Variants in TASP1 observed in about 807,000 individuals in gnomAD.
TASP1 encodes the protein taspase 1, also known as threonine aspartase 1.
In TASP1, 16 loss-of-function variants were observed where a neutral mutation model predicts 56.6. The observed-to-expected ratio is 0.28, with a 90% confidence interval of 0.19 to 0.43. The LOEUF is 0.43. Among genes scored for constraint, TASP1 ranks in the 20% least tolerant of loss-of-function variants. The pLI, the probability that TASP1 is intolerant of heterozygous loss-of-function variation, is 1.00. For synonymous variants in TASP1, 179 were observed against 184.2 expected, an observed-to-expected ratio of 0.97 and a Z score of 0.23; for missense variants, 393 against 511.6, an observed-to-expected ratio of 0.77 and a Z score of 2.24.
At chr20:13,567,480 T>C (rs1438166979) in intron 7 of TASP1, among the ~76,000 whole-genome samples, 1 of 151,884 alleles carries the variant, frequency 6.6e-6, no homozygotes, top group African/African-American at 2.4e-5. Flanking sequence ...GAAGAAATTA[T>C]CCCAAAATTT....
chr20:13,172,293 T>A, the TASP1 span, among the ~76,000 whole-genome samples: 1 of 152,122 alleles, frequency 6.6e-6, no homozygotes, highest in Non-Finnish European at 1.5e-5. Flanking sequence ...TGTTTTCAGC[T>A]AGAAAAAAAA....
intron 11 of TASP1, among the ~76,000 whole-genome samples, chr20:13,438,576 A>G (rs2043099182): frequency 6.6e-6 from 1 of 152,234 alleles, no homozygotes; most frequent in Non-Finnish European, 1.5e-5. Flanking sequence ...AGGCAATACC[A>G]TTCAGGACAT....
intron 7 of TASP1, among the ~76,000 whole-genome samples, chr20:13,560,603 G>C (rs1003425775): frequency 6.6e-6 from 1 of 152,124 alleles, no homozygotes; most frequent in Admixed American, 6.5e-5. Flanking sequence ...CAGAGCATGA[G>C]ACCGACAGAA....
chr20:13,430,663 G>A lies in TASP1; in HGVS notation c.1096+4381C>T, dbSNP rs528318756. Reference sequence around the variant, plus strand: ...TGCCATAAATTTATTGGTTGGAAGCGAGTCTCTAGTGTTTGGCTCACAGTC... The same window carrying A: ...TGCCATAAATTTATTGGTTGGAAGCAAGTCTCTAGTGTTTGGCTCACAGTC... On this transcript the variant is annotated intron_variant, in intron 12 of 13. Transcript: ENST00000337743. Among the ~76,000 whole-genome samples the A allele has an allele frequency of 1.1e-4, 16 of 152,280 alleles. 1 individual carries two copies. Among genetic ancestry groups the A allele is most frequent in the African/African-American group, 3.9e-4 (16 of 41,550 alleles).
chr20:13,137,472 T>C, the TASP1 span, among the ~76,000 whole-genome samples: 3 of 152,062 alleles, frequency 2.0e-5, no homozygotes, highest in Admixed American at 2.0e-4. Context: ...ATTATGGTGT[T>C]ATAATATATA....
chr20:13,144,010 T>C, the TASP1 span, among the ~76,000 whole-genome samples: 17 of 152,182 alleles, frequency 1.1e-4, no homozygotes, highest in Admixed American at 2.0e-4. Context: ...GAGCATGTCA[T>C]GTTTACTTAC....
At chr20:13,386,421 A>T (rs536085299), downstream of TASP1, among the ~76,000 whole-genome samples, 2 of 152,036 alleles carry the variant, frequency 1.3e-5, no homozygotes, top group East Asian at 3.9e-4. Context: ...ACATTTTTAA[A>T]ATTTTCCTTA....
the TASP1 span, among the ~76,000 whole-genome samples, chr20:13,227,803 C>G: frequency 6.6e-6 from 1 of 151,554 alleles, no homozygotes; most frequent in East Asian, 1.9e-4. Flanking sequence ...CCACCGCGCC[C>G]GGCCCCAACT....
the TASP1 span, among the ~76,000 whole-genome samples, chr20:13,107,028 A>G: frequency 6.6e-6 from 1 of 152,212 alleles, no homozygotes; most frequent in Non-Finnish European, 1.5e-5. Flanking sequence ...AGCAAGTTCC[A>G]TCTTGGAAAT....
rs2046309979 is a variant in TASP1 at position 13,560,486 on chromosome 20, A to G, written c.569-1372T>C. Among the ~76,000 whole-genome samples the G allele has an allele frequency of 2.6e-5, 4 of 152,290 alleles. No individual in the cohort carries two copies. The South Asian group carries it at 8.3e-4, about 32-fold the overall frequency. On this transcript the variant is annotated intron_variant, in intron 7 of 13. Transcript: ENST00000337743. ...GAGACATTCCCCACAATAAACTGGG[A>G]ATTTAAAGGGCTAATTCTCTTAGAG...
the TASP1 span, among the ~76,000 whole-genome samples, chr20:13,304,352 C>T: frequency 7.9e-5 from 12 of 152,190 alleles, no homozygotes; most frequent in East Asian, 2.3e-3. Context: ...TCAAAGTGGG[C>T]GGTCATGGGG....
the TASP1 span, among the ~76,000 whole-genome samples, chr20:13,374,224 A>G: frequency 2.0e-5 from 3 of 152,158 alleles, no homozygotes; most frequent in South Asian, 6.2e-4. Context: ...ATAAAATCTG[A>G]CATTTGGTCC....
the TASP1 span, among the ~76,000 whole-genome samples, chr20:13,134,989 C>T: frequency 1.3e-5 from 2 of 152,132 alleles, no homozygotes; most frequent in Non-Finnish European, 2.9e-5. Flanking sequence ...AATGCATGTG[C>T]CTCACAACAG....
chr20:13,503,538 T>C (rs1440923221), intron 10 of TASP1, among the ~76,000 whole-genome samples: 1 of 152,124 alleles, frequency 6.6e-6, no homozygotes, highest in Non-Finnish European at 1.5e-5. Context: ...GCAAAGCCAG[T>C]AATGCAACAT....
At chr20:13,125,226 G>A in the TASP1 span, among the ~76,000 whole-genome samples, 1 of 152,122 alleles carries the variant, frequency 6.6e-6, no homozygotes, top group Non-Finnish European at 1.5e-5. Flanking sequence ...GCTTACTTGG[G>A]ACCTTATATT....
chr20:13,337,790 G>C, the TASP1 span, among the ~76,000 whole-genome samples: 1 of 152,208 alleles, frequency 6.6e-6, no homozygotes, highest in East Asian at 1.9e-4. Flanking sequence ...GGAAATGTGA[G>C]TGCTTCAGTT....
chr20:13,454,074 A>C, intron 11 of TASP1, among the ~76,000 whole-genome samples: 1 of 152,010 alleles, frequency 6.6e-6, no homozygotes, highest in Non-Finnish European at 1.5e-5. Flanking sequence ...AAAAAAAAAA[A>C]ACAAGGAGGC....
the TASP1 span, among the ~76,000 whole-genome samples, chr20:13,132,228 G>A: frequency 5.7e-4 from 80 of 140,464 alleles, no homozygotes; most frequent in Admixed American, 1.3e-3. Context: ...CCAGGCTGGA[G>A]TGCAGTGGTG....
the TASP1 span, among the ~76,000 whole-genome samples, chr20:13,304,720 G>A: frequency 8.3e-4 from 126 of 152,230 alleles, no homozygotes; most frequent in African/African-American, 2.8e-3. Flanking sequence ...ATTGGTCAAT[G>A]AATACCCCAA....
Sources: gnomAD v4.1 joint callset for allele counts (sites outside exome capture counted in the v4.1 genomes callset) on GRCh38, gnomAD v4.1.1 for gene constraint, MANE v1.5 for transcripts, NCBI Gene and HGNC (gene_info 2026-07-23, HGNC 2026-07-21) for gene names.